SCN1A: variants seen among roughly 807,000 people sequenced by gnomAD.
The protein encoded by SCN1A is sodium voltage-gated channel alpha subunit 1.
In SCN1A, 13 loss-of-function variants were observed where a neutral mutation model predicts 193.7. The observed-to-expected ratio is 0.07, with a 90% CI of 0.04 to 0.11. The LOEUF is 0.11. SCN1A is among the 10% of genes least tolerant of loss of function. SCN1A has a pLI of 1.00. For missense variants in SCN1A, 1,432 were observed against 2,451.1 expected, an observed-to-expected ratio of 0.58 and a Z score of 8.78; for synonymous variants, 781 against 843.6, an observed-to-expected ratio of 0.93 and a Z score of 1.29.
At chr2:166,147,124 G>A (rs1306771464) in intron 1 of SCN1A, among the ~76,000 whole-genome samples, 2 of 152,126 alleles carry the variant, frequency 1.3e-5, no homozygotes, top group Non-Finnish European at 2.9e-5. Context: ...CATGAGGCCC[G>A]AAAACATGCA....
At chr2:166,124,664 C>T (rs141870493) in intron 2 of SCN1A, among the ~76,000 whole-genome samples, 18 of 152,284 alleles carry the variant, frequency 1.2e-4, no homozygotes, top group African/African-American at 2.4e-4. Context: ...CTCACATGTA[C>T]GACTGCACCC....
At chr2:166,056,130 T>G (rs1256339630) in intron 6 of SCN1A, among the ~76,000 whole-genome samples, 2 of 152,048 alleles carry the variant, frequency 1.3e-5, no homozygotes, top group Admixed American at 1.3e-4. Flanking sequence ...CTGCAATTGC[T>G]TTGACCACAT....
intron 1 of SCN1A, among the ~76,000 whole-genome samples, chr2:166,144,451 A>C (rs1692221945): frequency 6.6e-6 from 1 of 152,204 alleles, no homozygotes; most frequent in African/African-American, 2.4e-5. Flanking sequence ...GAGGGCACTA[A>C]GTGATAGAAC....
At chr2:166,107,486 T>A (rs1212514631) in intron 2 of SCN1A, among the ~76,000 whole-genome samples, 1 of 152,138 alleles carries the variant, frequency 6.6e-6, no homozygotes, top group Admixed American at 6.5e-5. Flanking sequence ...AAAGTTAAAA[T>A]ACAGAATATG....
At position 166,030,831 on chromosome 2, in the gene SCN1A, G is replaced by T. The variant is rs575479047; in HGVS notation, c.3429+5217C>A. Among the ~76,000 whole-genome samples, 9 of 152,096 alleles carry T rather than the reference G, an allele frequency of 5.9e-5. No individual in the cohort carries two copies. The South Asian group carries it at 1.9e-3, about 32-fold the overall frequency. ...CAGCATTGTGGTAGGTGCTTCGGAG[G>T]ATAGAAATGTTATAAAATACTATCC... On this transcript the variant is annotated intron_variant, in intron 19 of 28. Transcript: ENST00000674923.
chr2:166,052,625 A>AC lies in SCN1A; in HGVS notation c.694+226dup, dbSNP rs1553550372. On this transcript the variant is annotated intron_variant, in intron 8 of 28. Coordinates refer to ENST00000674923, the MANE Select transcript of SCN1A (RefSeq NM_001165963.4). ...AACTAACATGGTGAAAAAAAAAAAAACCCATGATATTTGTAAGTGCAGGTC... is the reference window on the plus strand; with the variant it reads ...AACTAACATGGTGAAAAAAAAAAAAACCCCATGATATTTGTAAGTGCAGGTC... Among the ~76,000 whole-genome samples, 19,508 of 150,844 alleles carry AC rather than the reference A, an allele frequency of 0.13. 1,600 individuals carry two copies. The highest frequency in any genetic ancestry group is 0.33 in the East Asian group (1,678 of 5,128).
At chr2:166,020,160 T>C (rs1693842033) in intron 19 of SCN1A, among the ~76,000 whole-genome samples, 1 of 152,182 alleles carries the variant, frequency 6.6e-6, no homozygotes, top group South Asian at 2.1e-4. Flanking sequence ...TCCACCCGTC[T>C]CGGCCTCCCA....
intron 19 of SCN1A, among the ~76,000 whole-genome samples, chr2:166,035,310 T>C (rs1696181039): frequency 6.6e-6 from 1 of 152,186 alleles, no homozygotes; most frequent in East Asian, 1.9e-4. Context: ...GTCTATTTGT[T>C]AGATCGTTCA....
intron 22 of SCN1A, among the ~76,000 whole-genome samples, chr2:166,011,684 T>C (rs1025754561): frequency 6.6e-6 from 1 of 151,174 alleles, no homozygotes; most frequent in Non-Finnish European, 1.5e-5. Flanking sequence ...GTGCCTTTAA[T>C]ACTGTACAAG....
intron 23 of SCN1A, among the ~76,000 whole-genome samples, chr2:166,008,614 G>A (rs60130509): frequency 1.2e-3 from 182 of 151,116 alleles, no homozygotes; most frequent in African/African-American, 4.3e-3. Context: ...CGATAATGAG[G>A]ACAAAGTTTT....
chr2:166,002,337 T>C (rs1691001483), intron 24 of SCN1A, 135 bp downstream of exon 24: 2 of 911,572 alleles, frequency 2.2e-6, no homozygotes, highest in Non-Finnish European at 3.2e-6. Flanking sequence ...CTCATAAACT[T>C]GTACTAACAA....
At chr2:166,074,429 A>T (rs1431658410) in intron 3 of SCN1A, among the ~76,000 whole-genome samples, 2 of 151,706 alleles carry the variant, frequency 1.3e-5, no homozygotes, top group Admixed American at 6.6e-5. Flanking sequence ...TTCAAGAAAA[A>T]TGATCAGAAA....
chr2:165,990,726 C>A lies in SCN1A; in HGVS notation c.*519G>T, dbSNP rs528834831. On this transcript the variant is annotated 3_prime_UTR_variant, in exon 29 of 29. Coordinates refer to ENST00000674923, the MANE Select transcript of SCN1A (RefSeq NM_001165963.4). ...GTAGCTGGGAGGGCCATGTGGTTGC[C>A]ATACCCCCCAGGTGGCATACCTGTT... The A allele has an allele frequency of 1.3e-5, 2 of 156,964 alleles. No homozygotes were observed. Among genetic ancestry groups the A allele is most frequent in the East Asian group, 3.8e-4 (2 of 5,308 alleles). The allele number at this position is 156,964 out of a possible 1,614,324, so 9.7% of individuals were successfully genotyped here.
At position 165,990,119 on chromosome 2, in the gene SCN1A, T is replaced by G. The variant is rs915925085; in HGVS notation, c.*1126A>C. On this transcript the variant is annotated 3_prime_UTR_variant, in exon 29 of 29. Transcript: ENST00000674923. Reference sequence around the variant, plus strand: ...AAACATGCATTGATAGCATCCAAACTATCTATAAATGGTACAGAATACATT... The same window carrying G: ...AAACATGCATTGATAGCATCCAAACGATCTATAAATGGTACAGAATACATT... 5 of 152,602 alleles carry G rather than the reference T, an allele frequency of 3.3e-5. No individual in the cohort carries two copies. The highest frequency in any genetic ancestry group is 1.2e-4 in the African/African-American group (5 of 41,454). 9.5% of individuals were successfully genotyped at this position (152,602 alleles called of 1,614,324 possible). A position where few individuals can be genotyped will look rare whatever the true frequency, so the allele number is the denominator to read the frequency against.
intron 19 of SCN1A, chr2:166,016,033 G>C (rs149276980): frequency 3.2e-3 from 1,062 of 335,666 alleles, no homozygotes; most frequent in Non-Finnish European, 4.1e-3. Flanking sequence ...ACACAGGGAA[G>C]AGAAGAGGGA....
chr2:166,054,874 T>C, intron 6 of SCN1A, 108 bp from the exon 7 acceptor site: 1 of 977,090 alleles, frequency 1.0e-6, no homozygotes, highest in Non-Finnish European at 1.5e-6. Context: ...AAAAGAAAAC[T>C]AAGCAGATGG....
At position 165,992,636 on chromosome 2, in the gene SCN1A, C is replaced by CT. The variant is rs890424731; in HGVS notation, c.4853-215dup. The CT allele has an allele frequency of 9.4e-4, 216 of 229,896 alleles. 1 individual carries two copies. The highest frequency in any genetic ancestry group is 3.9e-3 in the African/African-American group (161 of 41,806). The allele number at this position is 229,896 out of a possible 1,614,324, so 14.2% of individuals were successfully genotyped here. On this transcript the variant is annotated intron_variant, in intron 28 of 28. Transcript: ENST00000674923. The surrounding 1 kb of genome is among the most constrained non-coding windows in gnomAD (Gnocchi z 6.5). ...AATTTCAATTATAAGGATTATAGTA[C>CT]TTTTTTTTATCTTTAAGAGATGTTT...
intron 22 of SCN1A, among the ~76,000 whole-genome samples, chr2:166,010,553 A>G (rs901535267): frequency 6.6e-6 from 1 of 151,278 alleles, no homozygotes; most frequent in African/African-American, 2.4e-5. Flanking sequence ...TGTAGGTAAT[A>G]TACATGACTA....
Position 165,994,273 on chromosome 2 carries a change from G to A in SCN1A, c.4725C>T (p.Arg1575=). ...ATAGCACAATGAACACCAGATTGAT[G>A]CGTGACAAAATGGTAGTCACATATT... is the stretch of plus-strand genomic sequence containing the variant. The part of the protein sequence containing the change: ...QSEYVTTILS[R]INLVFIVLFT... The change falls in exon 28 of 29, where the codon CGC becomes CGT. Residue 1575 remains arginine, a synonymous_variant. Transcript: ENST00000674923. The A allele has an allele frequency of 6.2e-7, 1 of 1,613,194 alleles. No individual in the cohort carries two copies. The highest frequency in any genetic ancestry group is 1.1e-5 in the South Asian group (1 of 91,044).
Sources: gnomAD v4.1 joint callset for allele counts (sites outside exome capture counted in the v4.1 genomes callset) on GRCh38, gnomAD v4.1.1 for gene constraint, Gnocchi (gnomAD v3.1) non-coding constraint, MANE v1.5 for transcripts, NCBI Gene and HGNC (gene_info 2026-07-23, HGNC 2026-07-21) for gene names.